The following ZNF676 variants were observed in gnomAD, a reference collection of about 807,000 sequenced individuals.
The protein encoded by ZNF676 is zinc finger protein 676.
ZNF676 carries 4 observed loss-of-function variants against 6.0 expected under a neutral mutation model. The observed-to-expected ratio is 0.67, with a 90% CI of 0.33 to 1.53. ZNF676 has a LOEUF of 1.53. Ranked by LOEUF, ZNF676 falls within the 40% of genes most tolerant of loss-of-function variation. The pLI is 0.06. For synonymous variants in ZNF676, 198 were observed against 223.1 expected, an observed-to-expected ratio of 0.89 and a Z score of 1.00; for missense variants, 644 against 679.7, an observed-to-expected ratio of 0.95 and a Z score of 0.58.
chr19:22,219,484 A>G (rs2024227009), upstream of ZNF676, among the ~76,000 whole-genome samples: 1 of 152,052 alleles, frequency 6.6e-6, no homozygotes, highest in African/African-American at 2.4e-5. Context: ...CTTCCTCTTT[A>G]CCAATTTAGA....
chr19:22,207,502 A>G (rs1427207181), intron 1 of ZNF676, among the ~76,000 whole-genome samples: 3 of 152,232 alleles, frequency 2.0e-5, no homozygotes, highest in Admixed American at 6.5e-5. Context: ...TCACTATCAT[A>G]AAAATGGCCA....
At chr19:22,243,449 A>C in the ZNF676 span, 3 of 152,012 alleles carry the variant, frequency 2.0e-5, no homozygotes, top group Non-Finnish European at 4.4e-5. Flanking sequence ...AGGATTATCA[A>C]AACACAAAGT....
chr19:22,246,106 A>G, the ZNF676 span, among the ~76,000 whole-genome samples: 1 of 152,138 alleles, frequency 6.6e-6, no homozygotes, highest in Admixed American at 6.5e-5. Flanking sequence ...ATATGTTACA[A>G]TCCCCACTTT....
At chr19:22,205,266 A>G (rs1203098385) in intron 1 of ZNF676, among the ~76,000 whole-genome samples, 1 of 152,158 alleles carries the variant, frequency 6.6e-6, no homozygotes, top group Non-Finnish European at 1.5e-5. Context: ...ATCAACAACA[A>G]TATTAGGACC....
chr19:22,239,347 T>G, the ZNF676 span, among the ~76,000 whole-genome samples: 1 of 151,858 alleles, frequency 6.6e-6, no homozygotes, highest in Non-Finnish European at 1.5e-5. Context: ...GGCTAATTTT[T>G]TTTTGTATTT....
At chr19:22,184,826 GAAAAA>G (rs144833243) in intron 2 of ZNF676, among the ~76,000 whole-genome samples, 1,005 of 52,654 alleles carry the variant, frequency 0.019, 9 homozygotes, top group Non-Finnish European at 0.025. Context: ...GGGCATCTTT[GAAAAA>G]AAAAAAAAAA....
At chr19:22,189,925 A>G (rs746460584) in intron 2 of ZNF676, among the ~76,000 whole-genome samples, 6 of 152,182 alleles carry the variant, frequency 3.9e-5, no homozygotes, top group Non-Finnish European at 8.8e-5. Flanking sequence ...TGCTGAGTGG[A>G]GTGTAAATTA....
chr19:22,228,510 T>A, the ZNF676 span, among the ~76,000 whole-genome samples: 1 of 152,228 alleles, frequency 6.6e-6, no homozygotes, highest in South Asian at 2.1e-4. Flanking sequence ...GCCAGGACAA[T>A]CAGGCAAGAG....
chr19:22,223,362 G>A, the ZNF676 span, among the ~76,000 whole-genome samples: 3 of 152,152 alleles, frequency 2.0e-5, no homozygotes, highest in African/African-American at 7.2e-5. Context: ...GGCTGGTCTT[G>A]AAATCTTGGC....
At chr19:22,241,117 T>A in the ZNF676 span, among the ~76,000 whole-genome samples, 1 of 151,854 alleles carries the variant, frequency 6.6e-6, no homozygotes, top group Non-Finnish European at 1.5e-5. Flanking sequence ...GCTAAGTGCT[T>A]GGCCAAGTGA....
chr19:22,233,077 A>T, the ZNF676 span, among the ~76,000 whole-genome samples: 1 of 152,202 alleles, frequency 6.6e-6, no homozygotes, highest in African/African-American at 2.4e-5. Flanking sequence ...TGTGAGTATA[A>T]AAGTAAAAAT....
At chr19:22,212,128 A>G (rs1386796906) in intron 1 of ZNF676, among the ~76,000 whole-genome samples, 1 of 148,286 alleles carries the variant, frequency 6.7e-6, no homozygotes, top group Non-Finnish European at 1.5e-5. Context: ...TGAACCTGGG[A>G]GGCGAAGCTT....
chr19:22,209,789 T>C (rs2024112159), intron 1 of ZNF676, among the ~76,000 whole-genome samples: 2 of 152,166 alleles, frequency 1.3e-5, no homozygotes, highest in Admixed American at 6.5e-5. Flanking sequence ...AGATTATGAA[T>C]CCTAGGCTGG....
chr19:22,201,992 C>T (rs1399124712), intron 1 of ZNF676, among the ~76,000 whole-genome samples: 1 of 152,098 alleles, frequency 6.6e-6, no homozygotes, highest in Non-Finnish European at 1.5e-5. Context: ...ATTTTAATGG[C>T]TCTCTGACTT....
At chr19:22,232,728 C>G in the ZNF676 span, among the ~76,000 whole-genome samples, 25 of 151,354 alleles carry the variant, frequency 1.7e-4, no homozygotes, top group Middle Eastern at 6.9e-3. Context: ...TTTCTATCAC[C>G]AAAATGAAGT....
At chr19:22,234,239 T>C in the ZNF676 span, among the ~76,000 whole-genome samples, 11 of 152,330 alleles carry the variant, frequency 7.2e-5, no homozygotes, top group South Asian at 8.3e-4. Context: ...GAACCGTCTG[T>C]AAATGAGGCC....
chr19:22,232,369 T>A, the ZNF676 span, among the ~76,000 whole-genome samples: 1 of 152,162 alleles, frequency 6.6e-6, no homozygotes, highest in African/African-American at 2.4e-5. Context: ...GGTTTCACCA[T>A]GTTGGCCAGG....
chr19:22,209,680 G>A (rs2024111110), intron 1 of ZNF676, among the ~76,000 whole-genome samples: 1 of 152,112 alleles, frequency 6.6e-6, no homozygotes, highest in Non-Finnish European at 1.5e-5. Context: ...CCCTCGATTG[G>A]AGAGAGTGCA....
chr19:22,226,454 T>C, the ZNF676 span, among the ~76,000 whole-genome samples: 1 of 152,178 alleles, frequency 6.6e-6, no homozygotes, highest in Non-Finnish European at 1.5e-5. Context: ...TTATAGAAAT[T>C]ACGTCAAATT....
Sources: gnomAD v4.1 joint callset for allele counts (sites outside exome capture counted in the v4.1 genomes callset) on GRCh38, gnomAD v4.1.1 for gene constraint, MANE v1.5 for transcripts, NCBI Gene and HGNC (gene_info 2026-07-23, HGNC 2026-07-21) for gene names.